ELP4: variants seen among roughly 807,000 people sequenced by gnomAD.
ELP4 encodes elongator acetyltransferase complex subunit 4, also known as elongator complex protein 4.
In ELP4, 51 loss-of-function variants were observed where a neutral mutation model predicts 48.9. The observed-to-expected ratio is 1.04, with a 90% confidence interval of 0.83 to 1.32. The LOEUF is 1.32. Ranked by LOEUF, ELP4 falls within the 40% of genes most tolerant of loss-of-function variation. The probability of loss-of-function intolerance (pLI) is 0.00; values close to 1 mark genes in which losing one functional copy is unlikely to be tolerated. For missense variants in ELP4, 519 were observed against 514.6 expected (o/e 1.01, Z -0.08); for synonymous variants, 210 against 189.2 (o/e 1.11, Z -0.90).
intron 9 of ELP4, among the ~76,000 whole-genome samples, chr11:31,658,571 A>G (rs1450427647): frequency 6.6e-6 from 1 of 151,902 alleles, no homozygotes; most frequent in East Asian, 1.9e-4. Context: ...AGTTTTCCTT[A>G]TCAACTATTT....
intron 3 of ELP4, among the ~76,000 whole-genome samples, chr11:31,577,324 C>T (rs1026000426): frequency 5.0e-5 from 7 of 140,488 alleles, no homozygotes; most frequent in African/African-American, 1.3e-4. Context: ...GTCCAGGACC[C>T]GATGGATTAA....
intron 2 of ELP4, among the ~76,000 whole-genome samples, chr11:31,532,519 G>GT (rs1199899405): frequency 6.6e-6 from 1 of 151,932 alleles, no homozygotes; most frequent in Non-Finnish European, 1.5e-5. Context: ...AAATCACTCA[G>GT]TTTTTTTAAT....
chr11:31,521,173 G>A (rs1956208559), intron 2 of ELP4, among the ~76,000 whole-genome samples: 1 of 151,956 alleles, frequency 6.6e-6, no homozygotes, highest in South Asian at 2.1e-4. Flanking sequence ...ACGTTATATA[G>A]AACATTTTAT....
intron 9 of ELP4, among the ~76,000 whole-genome samples, chr11:31,725,425 A>T (rs530567152): frequency 6.6e-6 from 1 of 152,250 alleles, no homozygotes; most frequent in South Asian, 2.1e-4. Context: ...GACCATGGTC[A>T]TGCAAGCTGC....
intron 9 of ELP4, among the ~76,000 whole-genome samples, chr11:31,740,591 T>C (rs1464021648): frequency 6.6e-6 from 1 of 152,242 alleles, no homozygotes; most frequent in East Asian, 1.9e-4. Context: ...ATATTAATAT[T>C]ATCGAAATGT....
chr11:31,515,581 T>C (rs1486648499), intron 1 of ELP4, among the ~76,000 whole-genome samples: 1 of 152,148 alleles, frequency 6.6e-6, no homozygotes, highest in South Asian at 2.1e-4. Context: ...GGGAGGACCC[T>C]TGAGCCTGGG....
At chr11:31,758,952 G>A (rs10835816) in intron 9 of ELP4, among the ~76,000 whole-genome samples, 60,659 of 151,944 alleles carry the variant, frequency 0.4, 15,716 homozygotes, top group African/African-American at 0.74. Context: ...TTTTTAAAAC[G>A]TTTAATGATC....
In ELP4 at chr11:31,750,593, A is replaced by G. The variant is rs192127192; in HGVS notation, c.1144-32800A>G. Among the ~76,000 whole-genome samples, 38 of 152,188 alleles carry G rather than the reference A, an allele frequency of 2.5e-4. 1 individual carries two copies. In the South Asian group the frequency reaches 3.9e-3, roughly 16 times the overall value. On this transcript the variant is annotated intron_variant, in intron 9 of 9. Transcript: ENST00000640961. ...TTGTACTGTTGCTCAGTTTACTTCC[A>G]TAGATGTTTTCTTCCATAAAAAGTG...
At chr11:31,603,133 A>C (rs1268891731) in intron 4 of ELP4, among the ~76,000 whole-genome samples, 1 of 151,918 alleles carries the variant, frequency 6.6e-6, no homozygotes, top group Non-Finnish European at 1.5e-5. Context: ...TGATTATGCC[A>C]GGTTCTGATT....
At chr11:31,513,918 T>C (rs1956057354) in intron 1 of ELP4, among the ~76,000 whole-genome samples, 2 of 152,196 alleles carry the variant, frequency 1.3e-5, no homozygotes, top group African/African-American at 2.4e-5. Flanking sequence ...TTTTAAAATA[T>C]GTGAAATCTT....
At chr11:31,675,078 C>T (rs1945893681) in intron 9 of ELP4, among the ~76,000 whole-genome samples, 1 of 152,046 alleles carries the variant, frequency 6.6e-6, no homozygotes, top group African/African-American at 2.4e-5. Context: ...GCTAATACTA[C>T]AAAAAGGCAG....
chr11:31,544,130 G>C (rs1212118917), intron 3 of ELP4, among the ~76,000 whole-genome samples: 1 of 152,228 alleles, frequency 6.6e-6, no homozygotes, highest in Non-Finnish European at 1.5e-5. Flanking sequence ...TCTCACTAGG[G>C]AGTGCCAGAC....
intron 9 of ELP4, among the ~76,000 whole-genome samples, chr11:31,754,060 C>T (rs561818843): frequency 1.8e-4 from 27 of 152,202 alleles, no homozygotes; most frequent in Admixed American, 1.4e-3. Context: ...AGTATTTCTA[C>T]GTAAATACAC....
intron 7 of ELP4, chr11:31,632,622 G>T: frequency 1.0e-5 from 4 of 399,072 alleles, no homozygotes; most frequent in Non-Finnish European, 1.3e-5. Flanking sequence ...GCTACAACTT[G>T]GTAATAATTT....
At chr11:31,778,130 G>C (rs760853344) in intron 9 of ELP4, among the ~76,000 whole-genome samples, 2 of 152,164 alleles carry the variant, frequency 1.3e-5, no homozygotes, top group Non-Finnish European at 2.9e-5. Flanking sequence ...TTTGCCAGCA[G>C]TGAAGACATG....
At chr11:31,769,930 G>GT (rs752226055) in intron 9 of ELP4, among the ~76,000 whole-genome samples, 1 of 152,152 alleles carries the variant, frequency 6.6e-6, no homozygotes, top group Non-Finnish European at 1.5e-5. Context: ...GCCACCTGAG[G>GT]GGTAGTACCC....
intron 9 of ELP4, among the ~76,000 whole-genome samples, chr11:31,754,969 A>T (rs1278210809): frequency 3.3e-5 from 5 of 152,168 alleles, no homozygotes; most frequent in Admixed American, 2.0e-4. Context: ...TTCCAGTAAA[A>T]GAAACCAGGG....
At chr11:31,710,886 C>T (rs998510318) in intron 9 of ELP4, among the ~76,000 whole-genome samples, 5 of 152,068 alleles carry the variant, frequency 3.3e-5, no homozygotes, top group African/African-American at 9.7e-5. Flanking sequence ...GACTAGAACC[C>T]GTGACTTTAG....
intron 3 of ELP4, among the ~76,000 whole-genome samples, chr11:31,541,211 C>CA (rs1956585353): frequency 6.6e-6 from 1 of 152,084 alleles, no homozygotes; most frequent in East Asian, 1.9e-4. Context: ...ATGCTGAGGT[C>CA]AAAACTAAAA....
Sources: gnomAD v4.1 joint callset for allele counts (sites outside exome capture counted in the v4.1 genomes callset) on GRCh38, gnomAD v4.1.1 for gene constraint, MANE v1.5 for transcripts, NCBI Gene and HGNC (gene_info 2026-07-23, HGNC 2026-07-21) for gene names.